The following AP5Z1 variants were observed in gnomAD, a reference collection of about 807,000 sequenced individuals.
AP5Z1 encodes AP-5 complex subunit zeta-1.
A neutral mutation model predicts 83.0 loss-of-function variants in AP5Z1; 106 were observed. The ratio of observed to expected loss-of-function variants is 1.28; its 90% CI spans 1.09 to 1.50. The LOEUF (loss-of-function observed/expected upper bound fraction) is 1.50, where lower values mean the gene tolerates loss of function less well. Ranked by LOEUF, AP5Z1 falls within the 40% of genes most tolerant of loss-of-function variation. The pLI, the probability that AP5Z1 is intolerant of heterozygous loss-of-function variation, is 0.00. For missense variants in AP5Z1, 1,565 were observed against 1,094.2 expected (o/e 1.43, Z -6.07); for synonymous variants, 751 against 514.1 (o/e 1.46, Z -6.23).
rs866574152 is a variant in AP5Z1, at chr7:4,792,181, C to G, written c.*796C>G. On this transcript the variant is annotated 3_prime_UTR_variant, in exon 17 of 17. Transcript: ENST00000649063. ...CCGCCACCTTCCTGGGCCCTGTGGTCCCACCCTCCGGACTACCAAGGCACA... is the reference window on the plus strand; with the variant it reads ...CCGCCACCTTCCTGGGCCCTGTGGTGCCACCCTCCGGACTACCAAGGCACA... The G allele has an allele frequency of 1.3e-5, 2 of 152,232 alleles. No homozygotes were observed. The highest frequency in any genetic ancestry group is 2.9e-5 in the Non-Finnish European group (2 of 68,070). The allele number at this position is 152,232 out of a possible 1,614,324, so 9.4% of individuals were successfully genotyped here. A position where few individuals can be genotyped will look rare whatever the true frequency, so the allele number is the denominator to read the frequency against.
chr7:4,780,860 C>CTTGAATGAGA (rs1781362491), intron 1 of AP5Z1, among the ~76,000 whole-genome samples: 4 of 152,320 alleles, frequency 2.6e-5, no homozygotes, highest in Admixed American at 2.6e-4. Context: ...ATTTCCTACT[C>CTTGAATGAGA]TTGAATGAGA....
Position 4,788,808 on chromosome 7 carries a change from G to T in AP5Z1, c.1596-32G>T, listed in dbSNP as rs200756317. 1.6e-5 allele frequency: 24 copies of T among 1,547,708 alleles called. No individual in the cohort carries two copies. In the East Asian group the frequency reaches 3.7e-4, roughly 24 times the overall value. On this transcript the variant is annotated intron_variant, in intron 12 of 16. Coordinates refer to ENST00000649063, the MANE Select transcript of AP5Z1 (RefSeq NM_014855.3). ...GCCTGCAGTCACCAGGTCGGGGAGC[G>T]GGCAGCACTCACGGCCACACTGTGT...
At chr7:4,776,264 C>T (rs577384379) in intron 1 of AP5Z1, among the ~76,000 whole-genome samples, 21 of 151,540 alleles carry the variant, frequency 1.4e-4, no homozygotes, top group Admixed American at 1.0e-3. Flanking sequence ...TGAGAAATCA[C>T]CCTCCAGGCT....
intron 7 of AP5Z1, 90 bp downstream of exon 7, chr7:4,785,138 T>C: frequency 6.6e-7 from 1 of 1,508,060 alleles, no homozygotes; most frequent in Non-Finnish European, 8.9e-7. Flanking sequence ...TTCCCTGAGC[T>C]ACTGCTCCAC....
Position 4,792,078 on chromosome 7 carries a change from C to T in AP5Z1, c.*693C>T, listed in dbSNP as rs1781795148. The T allele has an allele frequency of 6.6e-6, 1 of 152,306 alleles. No individual in the cohort carries two copies. The highest frequency in any genetic ancestry group is 1.5e-5 in the Non-Finnish European group (1 of 68,112). 9.4% of individuals were successfully genotyped at this position (152,306 alleles called of 1,614,324 possible). A position where few individuals can be genotyped will look rare whatever the true frequency, so the allele number is the denominator to read the frequency against. ...GGCCTCTGGCCATTCGGAGGGAAGG[C>T]CCCAGGGAGCCACCTGAGTGGAGCT... On this transcript the variant is annotated 3_prime_UTR_variant, in exon 17 of 17. Coordinates refer to ENST00000649063, the MANE Select transcript of AP5Z1 (RefSeq NM_014855.3).
chr7:4,783,927 G>C (rs1781456776), intron 5 of AP5Z1, 129 bp downstream of exon 5: 2 of 1,077,842 alleles, frequency 1.9e-6, no homozygotes, highest in South Asian at 3.2e-5. Context: ...TGCCTCTGCT[G>C]CGGGGCTTGG....
chr7:4,783,636 C>T, intron 4 of AP5Z1, 53 bp from the exon 5 acceptor site: 2 of 1,521,718 alleles, frequency 1.3e-6, no homozygotes, highest in African/African-American at 2.8e-5. Flanking sequence ...CCCAACAACC[C>T]AGGCATCTGT....
chr7:4,788,567 A>C (rs1583237908), intron 12 of AP5Z1: 1 of 506,006 alleles, frequency 2.0e-6, no homozygotes, highest in Non-Finnish European at 3.4e-6. Flanking sequence ...AGATGGACAA[A>C]CCGAGCCTGA....
rs762480728 is a variant in AP5Z1, at chr7:4,784,941, C to G, written c.824C>G (p.Ser275Trp). 1.2e-6 allele frequency: 2 copies of G among 1,611,954 alleles called. No individual in the cohort carries two copies. Among genetic ancestry groups the G allele is most frequent in the South Asian group, 2.2e-5 (2 of 90,954 alleles). ...TCAGAGCAGGAGGGCTCCACTCTGT[C>G]GGTGATCTCCGCCACCTCCTCTGCC... ...DRSEQEGSTL[S>W]VISATSSAGR... The change falls in exon 7 of 17, where the codon TCG becomes TGG. Residue 275 changes from serine (S) to tryptophan (W), a missense_variant. Ser to Trp is a radical substitution (Grantham distance 177). Coordinates refer to ENST00000649063, the MANE Select transcript of AP5Z1 (RefSeq NM_014855.3).
intron 13 of AP5Z1, 51 bp from the exon 14 acceptor site, chr7:4,789,781 G>C (rs1294780543): frequency 6.8e-6 from 10 of 1,467,318 alleles, no homozygotes; most frequent in Non-Finnish European, 9.3e-7. Context: ...CCCAACCTTA[G>C]GGCCTGCAGT....
intron 7 of AP5Z1, 58 bp downstream of exon 7, chr7:4,785,106 G>A: frequency 6.5e-7 from 1 of 1,533,866 alleles, no homozygotes; most frequent in Non-Finnish European, 8.8e-7. Flanking sequence ...TGCTCTGCAA[G>A]GCCACCTGAG....
chr7:4,787,927 T>C (rs750471379), intron 11 of AP5Z1, among the ~76,000 whole-genome samples, 151 bp downstream of exon 11: 163 of 151,982 alleles, frequency 1.1e-3, no homozygotes, highest in Non-Finnish European at 5.6e-4. Flanking sequence ...AAGCCACCTC[T>C]AGGACAGGGT....
At chr7:4,776,122 G>A (rs1167302719) in intron 1 of AP5Z1, among the ~76,000 whole-genome samples, 1 of 152,214 alleles carries the variant, frequency 6.6e-6, no homozygotes, top group Non-Finnish European at 1.5e-5. Context: ...AAGTCACAGT[G>A]TCCGGAGGCC....
At chr7:4,790,094 A>C in intron 14 of AP5Z1, 165 bp downstream of exon 14, 1 of 1,274,900 alleles carries the variant, frequency 7.8e-7, no homozygotes, top group African/African-American at 1.7e-5. Flanking sequence ...ACCCAGCCCC[A>C]GGCACTTCTC....
intron 1 of AP5Z1, among the ~76,000 whole-genome samples, chr7:4,777,575 G>A (rs1781261807): frequency 6.6e-6 from 1 of 152,046 alleles, no homozygotes; most frequent in Non-Finnish European, 1.5e-5. Flanking sequence ...CTTTAGTAGA[G>A]ATGGGATTTC....
In AP5Z1 at chr7:4,783,417, C is replaced by T; in HGVS notation, c.468C>T (p.Val156=). 6.2e-7 allele frequency: 1 copy of T among 1,613,102 alleles called. No homozygotes were observed. Among genetic ancestry groups the T allele is most frequent in the Non-Finnish European group, 8.5e-7 (1 of 1,179,770 alleles). The part of the protein sequence containing the change: ...EGPSLRHLLP[V]MAKVVVLSPG... ...CCAGCCTCAGACACCTCCTCCCCGT[C>T]ATGGCCAAGGTCGTGGTCCTCAGCC... Residue 156 remains valine (V), a synonymous_variant, in exon 4 of 17, where the codon GTC becomes GTT. Coordinates refer to ENST00000649063, the MANE Select transcript of AP5Z1 (RefSeq NM_014855.3).
At chr7:4,785,132 C>A (rs556255325) in intron 7 of AP5Z1, 84 bp downstream of exon 7, 5 of 1,511,772 alleles carry the variant, frequency 3.3e-6, no homozygotes, top group Non-Finnish European at 4.4e-6. Context: ...CACAGCTTCC[C>A]TGAGCTACTG....
chr7:4,780,627 G>A (rs754255834), intron 1 of AP5Z1, among the ~76,000 whole-genome samples: 9 of 152,142 alleles, frequency 5.9e-5, no homozygotes, highest in African/African-American at 1.7e-4. Flanking sequence ...TTAGCCGGGC[G>A]TGGTGGTGGG....
rs757859080 is a variant in AP5Z1, at chr7:4,785,653, G to A, written c.1101G>A (p.Leu367=). 5 of 1,551,590 alleles carry A rather than the reference G, an allele frequency of 3.2e-6. No individual in the cohort carries two copies. The African/African-American group carries it at 6.8e-5, about 21-fold the overall frequency. ...GGGACCCGGCCTCTGTGCGGGTGCT[G>A]CTGCCCCTCGCCCACTTCTTCCTGA... ...VRGDPASVRV[L]LPLAHFFLSH... Residue 367 remains leucine (L), a synonymous_variant, in exon 9 of 17, where the codon CTG becomes CTA. Coordinates refer to ENST00000649063, the MANE Select transcript of AP5Z1 (RefSeq NM_014855.3).
Sources: gnomAD v4.1 joint callset for allele counts (sites outside exome capture counted in the v4.1 genomes callset) on GRCh38, gnomAD v4.1.1 for gene constraint, MANE v1.5 for transcripts, NCBI Gene and HGNC (gene_info 2026-07-23, HGNC 2026-07-21) for gene names.